The following DEPDC5 variants were observed in gnomAD, a reference collection of about 807,000 sequenced individuals.
DEPDC5 encodes the protein DEP domain containing 5, GATOR1 subcomplex subunit, also known as GATOR1 complex protein DEPDC5.
A neutral mutation model predicts 217.3 loss-of-function variants in DEPDC5; 73 were observed. The observed-to-expected ratio is 0.34, with a 90% CI of 0.28 to 0.41. The LOEUF (loss-of-function observed/expected upper bound fraction) is 0.41, where lower values mean the gene tolerates loss of function less well. DEPDC5 is among the 10% of genes least tolerant of loss of function. DEPDC5 has a pLI of 1.00. For missense variants in DEPDC5, 1,675 were observed against 2,070.1 expected (o/e 0.81, Z 3.70); for synonymous variants, 733 against 756.7 (o/e 0.97, Z 0.51).
chr22:31,878,163 G>C (rs972396071), intron 37 of DEPDC5, among the ~76,000 whole-genome samples: 1 of 151,120 alleles, frequency 6.6e-6, no homozygotes, highest in African/African-American at 2.4e-5. Context: ...CTCCAGCTTC[G>C]TGACAGAGCG....
chr22:31,763,078 C>T (rs576199428), intron 4 of DEPDC5, among the ~76,000 whole-genome samples: 1 of 152,100 alleles, frequency 6.6e-6, no homozygotes, highest in Non-Finnish European at 1.5e-5. Flanking sequence ...GCAACCTCCG[C>T]CTCCTGGATT....
chr22:31,805,409 T>C (rs144851917), intron 17 of DEPDC5, among the ~76,000 whole-genome samples: 168 of 152,314 alleles, frequency 1.1e-3, no homozygotes, highest in African/African-American at 3.8e-3. Flanking sequence ...ATCTCTCTTT[T>C]ATGAATTCCT....
intron 41 of DEPDC5, among the ~76,000 whole-genome samples, chr22:31,902,272 G>A (rs1008216245): frequency 6.6e-6 from 1 of 151,804 alleles, no homozygotes; most frequent in African/African-American, 2.4e-5. Flanking sequence ...TAGTCCAGCC[G>A]ACTGTGTTGT....
intron 31 of DEPDC5, among the ~76,000 whole-genome samples, chr22:31,855,177 A>C (rs1602448172): frequency 6.6e-6 from 1 of 151,846 alleles, no homozygotes; most frequent in South Asian, 2.1e-4. Context: ...GTTGGCCAGG[A>C]TGGTCTCAAT....
At chr22:31,769,753 T>A (rs1042579813) in intron 7 of DEPDC5, 2 of 151,190 alleles carry the variant, frequency 1.3e-5, no homozygotes, top group Non-Finnish European at 2.9e-5. Flanking sequence ...AGACCCCATT[T>A]CTACAAAAAA....
intron 24 of DEPDC5, among the ~76,000 whole-genome samples, chr22:31,830,762 T>C (rs1447738006): frequency 1.3e-5 from 2 of 151,922 alleles, no homozygotes; most frequent in African/African-American, 2.4e-5. Flanking sequence ...TTTTCTTTTT[T>C]TTTTTCTTTT....
At chr22:31,794,182 AT>A (rs2085991749) in intron 12 of DEPDC5, among the ~76,000 whole-genome samples, 1 of 152,100 alleles carries the variant, frequency 6.6e-6, no homozygotes, top group African/African-American at 2.4e-5. Flanking sequence ...ACTTTAAATT[AT>A]TTGTTGATCT....
At chr22:31,832,630 A>G (rs2090691649) in intron 24 of DEPDC5, among the ~76,000 whole-genome samples, 1 of 152,144 alleles carries the variant, frequency 6.6e-6, no homozygotes, top group Non-Finnish European at 1.5e-5. Context: ...GGCTGTGAAC[A>G]CAGGTGCATG....
rs543251817 is a variant in DEPDC5, at chr22:31,755,974, G to A, written c.58+995G>A. Among the ~76,000 whole-genome samples, 3 of 151,324 alleles carry A rather than the reference G, an allele frequency of 2.0e-5. No individual in the cohort carries two copies. The East Asian group carries it at 5.8e-4, about 29-fold the overall frequency. ...TGCAACCTCCACCTCCCAGGTTCAAGCAATTCTTCTGCCTCAGCCTCCCGA... is the reference window on the plus strand; with the variant it reads ...TGCAACCTCCACCTCCCAGGTTCAAACAATTCTTCTGCCTCAGCCTCCCGA... On this transcript the variant is annotated intron_variant, in intron 2 of 42. Transcript: ENST00000651528.
intron 31 of DEPDC5, among the ~76,000 whole-genome samples, chr22:31,847,581 C>T (rs902273272): frequency 2.0e-5 from 3 of 152,104 alleles, no homozygotes; most frequent in African/African-American, 7.2e-5. Flanking sequence ...GGGAAAAGCC[C>T]CTTATAAAAC....
chr22:31,859,673 G>A (rs576305565), intron 32 of DEPDC5, among the ~76,000 whole-genome samples: 26 of 152,326 alleles, frequency 1.7e-4, no homozygotes, highest in South Asian at 1.2e-3. Flanking sequence ...GATTACAGGC[G>A]TGAGCCACCA....
intron 4 of DEPDC5, among the ~76,000 whole-genome samples, chr22:31,763,856 T>A (rs931537815): frequency 1.3e-4 from 20 of 152,010 alleles, no homozygotes; most frequent in African/African-American, 4.4e-4. Flanking sequence ...AAAAAAAAAA[T>A]TTAAAGTTTT....
intron 1 of DEPDC5, 59 bp from the exon 2 acceptor site, chr22:31,754,803 A>G (rs1389251945): frequency 2.6e-6 from 3 of 1,162,784 alleles, no homozygotes; most frequent in Non-Finnish European, 3.8e-6. Flanking sequence ...CTAAAATCAA[A>G]GAGTGGTTGC....
intron 10 of DEPDC5, among the ~76,000 whole-genome samples, chr22:31,787,328 C>T (rs1411923475): frequency 6.6e-6 from 1 of 152,102 alleles, no homozygotes; most frequent in African/African-American, 2.4e-5. Flanking sequence ...CAAGCGGTCA[C>T]CCACCTTGGC....
chr22:31,756,005 T>TG (rs1429311088), intron 2 of DEPDC5, among the ~76,000 whole-genome samples: 2 of 151,118 alleles, frequency 1.3e-5, no homozygotes, highest in South Asian at 4.2e-4. Flanking sequence ...CCCGAGTAGC[T>TG]GGGACTACAG....
intron 27 of DEPDC5, among the ~76,000 whole-genome samples, chr22:31,841,999 C>T (rs2091423169): frequency 6.6e-6 from 1 of 152,138 alleles, no homozygotes; most frequent in Admixed American, 6.5e-5. Flanking sequence ...TTCTTGATTC[C>T]TGATTATTTT....
intron 32 of DEPDC5, chr22:31,858,604 A>G (rs1252884187): frequency 6.6e-6 from 1 of 152,222 alleles, no homozygotes; most frequent in Non-Finnish European, 1.5e-5. Flanking sequence ...ATGTTTTACA[A>G]AAGCATGATT....
intron 38 of DEPDC5, among the ~76,000 whole-genome samples, chr22:31,880,627 C>T (rs1448043420): frequency 2.6e-5 from 4 of 152,236 alleles, no homozygotes; most frequent in Admixed American, 6.5e-5. Context: ...AGGCCGGGCA[C>T]GGTGGCCCAC....
intron 38 of DEPDC5, 94 bp from the exon 39 acceptor site, chr22:31,893,488 T>C: frequency 7.7e-7 from 1 of 1,294,300 alleles, no homozygotes; most frequent in Non-Finnish European, 1.0e-6. Context: ...TAGGCACTTG[T>C]ATATAGTTTC....
Sources: gnomAD v4.1 joint callset for allele counts (sites outside exome capture counted in the v4.1 genomes callset) on GRCh38, gnomAD v4.1.1 for gene constraint, MANE v1.5 for transcripts, NCBI Gene and HGNC (gene_info 2026-07-23, HGNC 2026-07-21) for gene names.